The following GULP1 variants were observed in gnomAD, a reference collection of about 807,000 sequenced individuals.
The protein encoded by GULP1 is PTB domain-containing engulfment adapter protein 1.
GULP1 carries 19 observed loss-of-function variants against 40.9 expected under a neutral mutation model. The observed-to-expected ratio is 0.46, with a 90% CI of 0.32 to 0.68. GULP1 has a LOEUF of 0.68. GULP1 is among the 30% of genes least tolerant of loss of function. The pLI, the probability that GULP1 is intolerant of heterozygous loss-of-function variation, is 0.03. For missense variants in GULP1, 312 were observed against 362.2 expected, an observed-to-expected ratio of 0.86 and a Z score of 1.12; for synonymous variants, 119 against 117.6, an observed-to-expected ratio of 1.01 and a Z score of -0.08.
intron 2 of GULP1, among the ~76,000 whole-genome samples, chr2:188,419,517 A>G (rs1194470234): frequency 6.8e-6 from 1 of 146,904 alleles, no homozygotes; most frequent in Non-Finnish European, 1.5e-5. Flanking sequence ...AAAAATGTCT[A>G]TTCAGATTCT....
chr2:188,538,164 A>AT (rs942642899), intron 6 of GULP1, among the ~76,000 whole-genome samples: 12 of 151,162 alleles, frequency 7.9e-5, no homozygotes, highest in East Asian at 2.0e-4. Context: ...GTTTTTATGG[A>AT]TTTTTTTCTC....
At position 188,594,004 on chromosome 2, in the gene GULP1, G is replaced by A. The variant is rs181641969; in HGVS notation, c.908G>A (p.Arg303Lys). ...TTTTGTCTCGACCCGTTAGACAGTAGGTGCTGACATCAAGAACAAGAAATC... is the reference window on the plus strand; with the variant it reads ...TTTTGTCTCGACCCGTTAGACAGTAAGTGCTGACATCAAGAACAAGAAATC... Reference protein sequence around the residue: ...TVFCLDPLDSRC With the variant: ...TVFCLDPLDSKC Residue 303 changes from arginine to lysine, a missense_variant, in exon 12 of 12, where the codon AGG (arginine) becomes AAG (lysine). Arg to Lys is a conservative substitution (Grantham distance 26, BLOSUM62 2). Coordinates refer to ENST00000409830, the MANE Select transcript of GULP1 (RefSeq NM_016315.4). The A allele has an allele frequency of 1.9e-6, 3 of 1,575,254 alleles. No homozygotes were observed. The highest frequency in any genetic ancestry group is 2.6e-6 in the Non-Finnish European group (3 of 1,145,942).
chr2:188,519,652 C>A (rs2065533736), intron 4 of GULP1, among the ~76,000 whole-genome samples: 1 of 152,162 alleles, frequency 6.6e-6, no homozygotes, highest in Admixed American at 6.5e-5. Context: ...ACTCTTCTTC[C>A]TTTCTGGATG....
intron 2 of GULP1, among the ~76,000 whole-genome samples, chr2:188,474,585 C>T (rs1038008856): frequency 2.6e-5 from 4 of 152,158 alleles, no homozygotes; most frequent in Admixed American, 1.3e-4. Context: ...AATGCTCCTG[C>T]TGAGGGTAGG....
chr2:188,312,532 T>G (rs2038347805), intron 1 of GULP1, among the ~76,000 whole-genome samples: 1 of 152,234 alleles, frequency 6.6e-6, no homozygotes, highest in African/African-American at 2.4e-5. Flanking sequence ...CACGTTTTCT[T>G]TATCCAGTCT....
chr2:188,371,890 A>G (rs1419283952), intron 1 of GULP1, among the ~76,000 whole-genome samples: 1 of 152,140 alleles, frequency 6.6e-6, no homozygotes, highest in African/African-American at 2.4e-5. Flanking sequence ...CAGCAAGAGA[A>G]GAGATAAAGA....
At chr2:188,396,762 A>G (rs1464419408) in intron 2 of GULP1, among the ~76,000 whole-genome samples, 1 of 152,154 alleles carries the variant, frequency 6.6e-6, no homozygotes, top group African/African-American at 2.4e-5. Context: ...TCAGTTGGGA[A>G]CTTCTCTCAA....
chr2:188,426,171 T>C (rs2056172703), intron 2 of GULP1, among the ~76,000 whole-genome samples: 1 of 152,214 alleles, frequency 6.6e-6, no homozygotes, highest in African/African-American at 2.4e-5. Context: ...GAGGGTGGGC[T>C]CACAGGTTGT....
At chr2:188,296,533 T>C (rs7577484) in intron 1 of GULP1, among the ~76,000 whole-genome samples, 113,774 of 151,922 alleles carry the variant, frequency 0.75, 43,037 homozygotes, top group East Asian at 0.95. Flanking sequence ...GGTATAGTTA[T>C]GGCGAATTTG....
intron 2 of GULP1, among the ~76,000 whole-genome samples, chr2:188,434,111 T>A (rs1018313709): frequency 4.6e-5 from 7 of 151,992 alleles, no homozygotes; most frequent in Non-Finnish European, 1.0e-4. Flanking sequence ...TAATATTTCC[T>A]TAGTGTCGCA....
At chr2:188,364,152 A>G (rs755787613) in intron 1 of GULP1, among the ~76,000 whole-genome samples, 13 of 152,126 alleles carry the variant, frequency 8.5e-5, no homozygotes, top group African/African-American at 1.4e-4. Context: ...GTGGATTCCT[A>G]TCTGATCATC....
chr2:188,363,755 A>G (rs983599658), intron 1 of GULP1, among the ~76,000 whole-genome samples: 2 of 152,174 alleles, frequency 1.3e-5, no homozygotes, highest in African/African-American at 4.8e-5. Flanking sequence ...AGTGAAAGGA[A>G]GAAATACTGT....
At chr2:188,312,232 G>A (rs1449093299) in intron 1 of GULP1, among the ~76,000 whole-genome samples, 1 of 151,558 alleles carries the variant, frequency 6.6e-6, no homozygotes, top group Non-Finnish European at 1.5e-5. Flanking sequence ...AGAATGTGCA[G>A]GTTTGTTACA....
intron 5 of GULP1, among the ~76,000 whole-genome samples, chr2:188,526,168 A>T (rs1007322954): frequency 6.6e-6 from 1 of 152,164 alleles, no homozygotes; most frequent in East Asian, 1.9e-4. Context: ...TCAGTAGTAT[A>T]TATTTAACCA....
chr2:188,553,174 T>A lies in GULP1; in HGVS notation c.399+11856T>A, dbSNP rs547415405. On this transcript the variant is annotated intron_variant, in intron 7 of 11. Transcript: ENST00000409830. ...CTGTTTTCCAATTTGGATGCTTTTA[T>A]TTCTTTCTTGTTTGATTGCCCTGGG... 7.9e-5 allele frequency among the ~76,000 whole-genome samples: 12 copies of A among 152,108 alleles called. No homozygotes were observed. The East Asian group carries it at 2.3e-3, about 29-fold the overall frequency.
chr2:188,313,775 C>T (rs1190678810), intron 1 of GULP1, among the ~76,000 whole-genome samples: 1 of 151,766 alleles, frequency 6.6e-6, no homozygotes, highest in African/African-American at 2.4e-5. Flanking sequence ...TTGTTTGCAT[C>T]CTCTTTTATT....
chr2:188,396,709 T>C lies in GULP1; in HGVS notation c.-45+12820T>C, dbSNP rs773572821. Among the ~76,000 whole-genome samples, 3 of 152,350 alleles carry C rather than the reference T, an allele frequency of 2.0e-5. No homozygotes were observed. In the East Asian group the frequency reaches 5.8e-4, roughly 29 times the overall value. ...ACACTTCCCACTTGCCTCCCATTTC[T>C]GGCCAAAGGAATTTGTCCCCGCTCG... is the stretch of plus-strand genomic sequence containing the variant. On this transcript the variant is annotated intron_variant, in intron 2 of 11. Transcript: ENST00000409830.
intron 4 of GULP1, among the ~76,000 whole-genome samples, chr2:188,497,748 A>G (rs180831847): frequency 3.1e-4 from 47 of 152,126 alleles, no homozygotes; most frequent in African/African-American, 9.1e-4. Context: ...CTGATAGTCG[A>G]AAGAACAGAC....
At chr2:188,333,790 T>A (rs2041927715) in intron 1 of GULP1, among the ~76,000 whole-genome samples, 1 of 152,114 alleles carries the variant, frequency 6.6e-6, no homozygotes, top group Non-Finnish European at 1.5e-5. Context: ...TGAACAGCAG[T>A]TTGAAACCAT....
Sources: gnomAD v4.1 joint callset for allele counts (sites outside exome capture counted in the v4.1 genomes callset) on GRCh38, gnomAD v4.1.1 for gene constraint, MANE v1.5 for transcripts, NCBI Gene and HGNC (gene_info 2026-07-23, HGNC 2026-07-21) for gene names.